The following KCNQ1 variants were observed in gnomAD, a reference collection of about 807,000 sequenced individuals.
KCNQ1 encodes potassium voltage-gated channel subfamily KQT member 1.
A neutral mutation model predicts 72.4 loss-of-function variants in KCNQ1; 49 were observed. The ratio of observed to expected loss-of-function variants is 0.68; its 90% CI spans 0.54 to 0.86. The LOEUF is 0.86. Among genes scored for constraint, KCNQ1 ranks in the 40% least tolerant of loss-of-function variants. KCNQ1 has a pLI of 0.00. For missense variants in KCNQ1, 790 were observed against 945.1 expected, an observed-to-expected ratio of 0.84 and a Z score of 2.15; for synonymous variants, 450 against 412.6, an observed-to-expected ratio of 1.09 and a Z score of -1.10.
intron 11 of KCNQ1, chr11:2,665,917 C>T: frequency 2.5e-6 from 1 of 398,636 alleles, no homozygotes; most frequent in Non-Finnish European, 4.4e-6. Flanking sequence ...CTCCAAGCAA[C>T]CCTGGGAGGC....
Position 2,563,908 on chromosome 11 carries a change from A to C in KCNQ1, c.478-6720A>C, listed in dbSNP as rs554393965. On this transcript the variant is annotated intron_variant, in intron 2 of 15. Transcript: ENST00000155840. This position sits in a 1 kb window ranked among gnomAD's most constrained non-coding sequence, Gnocchi z 7.4. ...ATGCTGAACTAACAATAGTCAGTGA[A>C]GATTAAGAACTAAAGGCTCAAGGAC... Among the ~76,000 whole-genome samples the C allele has an allele frequency of 1.4e-4, 21 of 152,352 alleles. No individual in the cohort carries two copies. Among genetic ancestry groups the C allele is most frequent in the South Asian group, 8.3e-4 (4 of 4,832 alleles).
chr11:2,692,074 C>T (rs898585464), intron 11 of KCNQ1: 19 of 398,676 alleles, frequency 4.8e-5, no homozygotes, highest in Non-Finnish European at 7.5e-5. Context: ...GACCCACATT[C>T]CAGTCACCTG....
chr11:2,783,619 C>T lies in KCNQ1; in HGVS notation c.1794+5582C>T, dbSNP rs1373100064. ...AAGGATTTATACCATTTTGCTTTCTCACCAGTAAAGTATAAAGGTTCCACT... is the reference window on the plus strand; with the variant it reads ...AAGGATTTATACCATTTTGCTTTCTTACCAGTAAAGTATAAAGGTTCCACT... On this transcript the variant is annotated intron_variant, in intron 15 of 15. Transcript: ENST00000155840. The surrounding 1 kb of genome is among the most constrained non-coding windows in gnomAD (Gnocchi z 5.2). Among the ~76,000 whole-genome samples the T allele has an allele frequency of 6.6e-6, 1 of 152,076 alleles. No individual in the cohort carries two copies. Among genetic ancestry groups the T allele is most frequent in the East Asian group, 1.9e-4 (1 of 5,200 alleles).
At chr11:2,581,828 AAG>A (rs1260895019) in intron 6 of KCNQ1, among the ~76,000 whole-genome samples, 1 of 152,200 alleles carries the variant, frequency 6.6e-6, no homozygotes, top group African/African-American at 2.4e-5. Context: ...GGTCCACTGA[AAG>A]GGCCTGGCAG....
Position 2,481,039 on chromosome 11 carries a change from C to T in KCNQ1, c.386+35555C>T, listed in dbSNP as rs2133611697. ...AAGTTTGAAATGAAATCATATAAAT[C>T]GAAAGTTAGAAGAGAATTACCACAT... On this transcript the variant is annotated intron_variant, in intron 1 of 15. Coordinates refer to ENST00000155840, the MANE Select transcript of KCNQ1 (RefSeq NM_000218.3). The surrounding 1 kb of genome is among the most constrained non-coding windows in gnomAD (Gnocchi z 4.6). Among the ~76,000 whole-genome samples the T allele has an allele frequency of 1.3e-5, 2 of 152,288 alleles. 1 individual carries two copies. Among genetic ancestry groups the T allele is most frequent in the South Asian group, 4.2e-4 (2 of 4,816 alleles).
At chr11:2,581,952 G>A (rs1198720357) in intron 6 of KCNQ1, among the ~76,000 whole-genome samples, 2 of 152,216 alleles carry the variant, frequency 1.3e-5, no homozygotes, top group Admixed American at 6.5e-5. Context: ...GTGGGAGGTA[G>A]CCTGCAAGCA....
Position 2,509,525 on chromosome 11 carries a change from C to G in KCNQ1, c.387-18403C>G, listed in dbSNP as rs570774769. Among the ~76,000 whole-genome samples the G allele has an allele frequency of 6.6e-6, 1 of 152,240 alleles. No homozygotes were observed. Among genetic ancestry groups the G allele is most frequent in the African/African-American group, 2.4e-5 (1 of 41,546 alleles). ...ACAGAGGAAGGCAGGGCAGCCTGCT[C>G]AGAGGATGAGCCCAGCTATTCTGGG... On this transcript the variant is annotated intron_variant, in intron 1 of 15. Coordinates refer to ENST00000155840, the MANE Select transcript of KCNQ1 (RefSeq NM_000218.3). The surrounding 1 kb of genome is among the most constrained non-coding windows in gnomAD (Gnocchi z 6.3).
In KCNQ1 at chr11:2,584,718, T is replaced by TTGTG. The variant is rs147352462; in HGVS notation, c.1033-483_1033-480dup. Among the ~76,000 whole-genome samples the TTGTG allele has an allele frequency of 8.6e-5, 13 of 151,846 alleles. 1 individual carries two copies. Among genetic ancestry groups the TTGTG allele is most frequent in the East Asian group, 7.7e-4 (4 of 5,162 alleles). ...GTGTGTGTGTTAGTGTGCATATCTA[T>TTGTG]TGTGTGTGTGTGTGCATCACACATG... On this transcript the variant is annotated intron_variant, in intron 7 of 15. Transcript: ENST00000155840.
Position 2,445,223 on chromosome 11 carries a change from A to C in KCNQ1, c.125A>C (p.Glu42Ala). The C allele has an allele frequency of 8.8e-7, 1 of 1,132,818 alleles. No homozygotes were observed. Among genetic ancestry groups the C allele is most frequent in the Non-Finnish European group, 1.1e-6 (1 of 922,484 alleles). The allele number at this position is 1,132,818 out of a possible 1,614,324, so 70.2% of individuals were successfully genotyped here. ...KKCPFSLELA[E>A]GGPAGGALYA... is the part of the protein sequence containing the mutation. ...TGCCCCTTCTCGCTGGAGCTGGCGG[A>C]GGGCGGCCCGGCGGGCGGCGCGCTC... The change falls in exon 1 of 16, where the codon GAG (glutamate) becomes GCG (alanine). Residue 42 changes from glutamate to alanine, a missense_variant. Glu to Ala is a moderately radical substitution (Grantham distance 107, BLOSUM62 -1). Around this residue, in one of 5 missense-constraint regions of KCNQ1, gnomAD observed 294 missense variants for 323.3 expected, o/e 0.91. Coordinates refer to ENST00000155840, the MANE Select transcript of KCNQ1 (RefSeq NM_000218.3).
intron 10 of KCNQ1, chr11:2,648,346 T>C (rs1339018477): frequency 2.5e-6 from 1 of 398,532 alleles, no homozygotes; most frequent in African/African-American, 2.1e-5. Context: ...TCTAGTTCCT[T>C]GAGATGCGTT....
intron 2 of KCNQ1, among the ~76,000 whole-genome samples, chr11:2,529,702 C>G (rs1847580829): frequency 1.3e-5 from 2 of 152,140 alleles, no homozygotes; most frequent in Admixed American, 1.3e-4. Context: ...AAGTTTTTCC[C>G]TCTGTCCTTT....
chr11:2,461,658 C>T, intron 1 of KCNQ1: 1 of 1,366,734 alleles, frequency 7.3e-7, no homozygotes, highest in Non-Finnish European at 9.8e-7. Context: ...CCTGTGGCTG[C>T]TGTGGACCCT....
chr11:2,669,771 G>C lies in KCNQ1; in HGVS notation c.1514+7690G>C. 1 of 398,662 alleles carries C rather than the reference G, an allele frequency of 2.5e-6. No individual in the cohort carries two copies. The allele number at this position is 398,662 out of a possible 1,614,324, so 24.7% of individuals were successfully genotyped here. ...AGCATAGAATGTCTCTTTGTGATGGGAGATCCTGTGGGGACATTCCTTATT... is the reference window on the plus strand; with the variant it reads ...AGCATAGAATGTCTCTTTGTGATGGCAGATCCTGTGGGGACATTCCTTATT... On this transcript the variant is annotated intron_variant, in intron 11 of 15. Transcript: ENST00000155840. The surrounding 1 kb of genome is among the most constrained non-coding windows in gnomAD (Gnocchi z 5.6).
Position 2,734,554 on chromosome 11 carries a change from C to T in KCNQ1, c.1515-34290C>T, listed in dbSNP as rs1408090808. Among the ~76,000 whole-genome samples, 9 of 151,810 alleles carry T rather than the reference C, an allele frequency of 5.9e-5. No homozygotes were observed. The highest frequency in any genetic ancestry group is 1.0e-4 in the Non-Finnish European group (7 of 67,988). The stretch of plus-strand genomic sequence containing the variant: ...AGCCAGATGTGGGGAGCGGGGCTGT[C>T]GAGGCTGATCTCAGGATGCTTGCTG... On this transcript the variant is annotated intron_variant, in intron 11 of 15. Coordinates refer to ENST00000155840, the MANE Select transcript of KCNQ1 (RefSeq NM_000218.3). The surrounding 1 kb of genome is among the most constrained non-coding windows in gnomAD (Gnocchi z 7.0).
Position 2,612,439 on chromosome 11 carries a change from TTTTC to T in KCNQ1, c.1393+23591_1393+23594del. 1 of 398,650 alleles carries T rather than the reference TTTTC, an allele frequency of 2.5e-6. No homozygotes were observed. Among genetic ancestry groups the T allele is most frequent in the Non-Finnish European group, 4.4e-6 (1 of 226,074 alleles). The allele number at this position is 398,650 out of a possible 1,614,324, so 24.7% of individuals were successfully genotyped here. The stretch of plus-strand genomic sequence containing the variant: ...GTATCTCTTCATTTTTCTTCATTAT[TTTTC>T]TTTCTATTCTTCAGTCTGAATCATC... On this transcript the variant is annotated intron_variant, in intron 10 of 15. Coordinates refer to ENST00000155840, the MANE Select transcript of KCNQ1 (RefSeq NM_000218.3). This position sits in a 1 kb window ranked among gnomAD's most constrained non-coding sequence, Gnocchi z 5.5.
At chr11:2,590,888 A>G (rs1436069803) in intron 10 of KCNQ1, among the ~76,000 whole-genome samples, 4 of 152,130 alleles carry the variant, frequency 2.6e-5, no homozygotes, top group East Asian at 3.9e-4. Context: ...CCAGGGTTCT[A>G]TGCCTGGCAG....
rs1292454071 is a variant in KCNQ1 at position 2,676,162 on chromosome 11, ACTTTGC to A, written c.1514+14087_1514+14092del. ...TAGCATACTGTATGTATTTTTCTAC[ACTTTGC>A]CTTTGACTTCTTCCATAGGTATGCC... On this transcript the variant is annotated intron_variant, in intron 11 of 15. Transcript: ENST00000155840. This position sits in a 1 kb window ranked among gnomAD's most constrained non-coding sequence, Gnocchi z 4.2. The A allele has an allele frequency of 9.5e-5, 38 of 398,622 alleles. No individual in the cohort carries two copies. Among genetic ancestry groups the A allele is most frequent in the African/African-American group, 6.8e-4 (33 of 48,756 alleles). 24.7% of individuals were successfully genotyped at this position (398,622 alleles called of 1,614,324 possible).
At chr11:2,489,399 C>T (rs1846797311) in intron 1 of KCNQ1, among the ~76,000 whole-genome samples, 1 of 152,220 alleles carries the variant, frequency 6.6e-6, no homozygotes, top group African/African-American at 2.4e-5. Flanking sequence ...GGGTCAGAAA[C>T]TGAGTTCCAG....
In KCNQ1 at chr11:2,473,992, C is replaced by T. The variant is rs1195704849; in HGVS notation, c.386+28508C>T. Among the ~76,000 whole-genome samples, 2 of 152,222 alleles carry T rather than the reference C, an allele frequency of 1.3e-5. No homozygotes were observed. Among genetic ancestry groups the T allele is most frequent in the African/African-American group, 2.4e-5 (1 of 41,478 alleles). On this transcript the variant is annotated intron_variant, in intron 1 of 15. Transcript: ENST00000155840. The surrounding 1 kb of genome is among the most constrained non-coding windows in gnomAD (Gnocchi z 6.0). ...GCAGGGCCCTTGGGAGGGAGGTAAGCGGGCAGCCGGGCCAACCTGCTGCTT... is the reference window on the plus strand; with the variant it reads ...GCAGGGCCCTTGGGAGGGAGGTAAGTGGGCAGCCGGGCCAACCTGCTGCTT...
Sources: gnomAD v4.1 joint callset for allele counts (sites outside exome capture counted in the v4.1 genomes callset) on GRCh38, gnomAD v4.1.1 for gene constraint, gnomAD v4.1.1 regional missense constraint, Gnocchi (gnomAD v3.1) non-coding constraint, MANE v1.5 for transcripts, NCBI Gene and HGNC (gene_info 2026-07-23, HGNC 2026-07-21) for gene names.